Variants in PLCB1 observed in about 807,000 individuals in gnomAD.
PLCB1 encodes phospholipase C beta 1.
PLCB1 carries 46 observed loss-of-function variants against 161.8 expected under a neutral mutation model. The ratio of observed to expected loss-of-function variants is 0.28; its 90% CI spans 0.22 to 0.36. The LOEUF (loss-of-function observed/expected upper bound fraction) is 0.36. PLCB1 is among the 10% of genes least tolerant of loss of function. The pLI, the probability that PLCB1 is intolerant of heterozygous loss-of-function variation, is 1.00. For synonymous variants in PLCB1, 517 were observed against 503.7 expected (o/e 1.03, Z -0.35); for missense variants, 1,016 against 1,472.5 (o/e 0.69, Z 5.07).
rs573791051 is a variant in PLCB1, at chr20:8,772,659, G to A, written c.2931-1880G>A. On this transcript the variant is annotated intron_variant, in intron 26 of 31. Transcript: ENST00000338037. Reference sequence around the variant, plus strand: ...CTATATAAGATCATTCAGGCCGGGCGCGGTGGCTCATGCCTGTAATCCCAG... The same window carrying A: ...CTATATAAGATCATTCAGGCCGGGCACGGTGGCTCATGCCTGTAATCCCAG... Among the ~76,000 whole-genome samples the A allele has an allele frequency of 4.6e-5, 7 of 152,226 alleles. No individual in the cohort carries two copies. The South Asian group carries it at 1.0e-3, about 23-fold the overall frequency.
Position 8,862,307 on chromosome 20 carries a change from T to C in PLCB1, c.3424-19315T>C, listed in dbSNP as rs1413370642. On this transcript the variant is annotated intron_variant, in intron 31 of 31. Coordinates refer to ENST00000338037, the MANE Select transcript of PLCB1 (RefSeq NM_015192.4). ...CAGGACCAACTGGCATTTTAGTTTA[T>C]CCGTCTATTCCATATGCTGCTGGAT... Among the ~76,000 whole-genome samples, 3 of 152,258 alleles carry C rather than the reference T, an allele frequency of 2.0e-5. No individual in the cohort carries two copies. In the East Asian group the frequency reaches 5.8e-4, roughly 29 times the overall value.
chr20:8,615,490 A>G (rs1159656657), intron 3 of PLCB1, among the ~76,000 whole-genome samples: 1 of 152,196 alleles, frequency 6.6e-6, no homozygotes. Context: ...TCCCTACTGA[A>G]TGCAACAATG....
Position 8,428,170 on chromosome 20 carries a change from T to TA in PLCB1, c.246+56727dup, listed in dbSNP as rs563974682. On this transcript the variant is annotated intron_variant, in intron 3 of 31. Coordinates refer to ENST00000338037, the MANE Select transcript of PLCB1 (RefSeq NM_015192.4). ...GCCCCCATGACTTGAGTCTCTCTAATAAAAAAAGAAAAGAAAAAATCTGAG... is the reference window on the plus strand; with the variant it reads ...GCCCCCATGACTTGAGTCTCTCTAATAAAAAAAAGAAAAGAAAAAATCTGAG... Among the ~76,000 whole-genome samples the TA allele has an allele frequency of 2.5e-3, 378 of 150,568 alleles. 3 individuals carry two copies. Among genetic ancestry groups the TA allele is most frequent in the Non-Finnish European group, 3.7e-3 (253 of 67,682 alleles).
chr20:8,731,189 A>G (rs898768251), intron 18 of PLCB1, among the ~76,000 whole-genome samples: 3 of 151,910 alleles, frequency 2.0e-5, no homozygotes, highest in East Asian at 1.9e-4. Flanking sequence ...GCTTTTTAAA[A>G]TCAATTAATT....
intron 3 of PLCB1, among the ~76,000 whole-genome samples, chr20:8,523,410 G>A (rs1230393141): frequency 2.1e-5 from 3 of 145,788 alleles, no homozygotes; most frequent in Admixed American, 1.4e-4. Context: ...GTGTGTGTGT[G>A]TGTGTGTGTG....
rs1229307312 is a variant in PLCB1, at chr20:8,440,907, A to G, written c.246+69457A>G. Reference sequence around the variant, plus strand: ...ATGTTATATGGATCGAAACATCACTATGTACTCCATGAATATATACAATTA... The same window carrying G: ...ATGTTATATGGATCGAAACATCACTGTGTACTCCATGAATATATACAATTA... On this transcript the variant is annotated intron_variant, in intron 3 of 31. Transcript: ENST00000338037. 2.6e-5 allele frequency among the ~76,000 whole-genome samples: 4 copies of G among 152,056 alleles called. No individual in the cohort carries two copies. The East Asian group carries it at 7.7e-4, about 29-fold the overall frequency.
At chr20:8,684,451 G>A (rs533590955) in intron 9 of PLCB1, among the ~76,000 whole-genome samples, 15 of 150,288 alleles carry the variant, frequency 1.0e-4, no homozygotes, top group Admixed American at 7.3e-4. Flanking sequence ...AGGAGACTTC[G>A]CCATATTGGC....
At chr20:8,727,185 A>G (rs1979983717) in intron 16 of PLCB1, 124 bp from the exon 17 acceptor site, 2 of 542,638 alleles carry the variant, frequency 3.7e-6, no homozygotes, top group Admixed American at 6.9e-5. Context: ...TTGAAATTAC[A>G]TTGAGGATTA....
chr20:8,277,418 G>C (rs73895724), intron 2 of PLCB1, among the ~76,000 whole-genome samples: 4,872 of 151,850 alleles, frequency 0.032, 219 homozygotes, highest in African/African-American at 0.1. Flanking sequence ...CAACATAAAT[G>C]CTACTCTAAT....
intron 2 of PLCB1, among the ~76,000 whole-genome samples, chr20:8,357,722 G>C (rs1318903248): frequency 6.6e-6 from 1 of 152,072 alleles, no homozygotes; most frequent in Non-Finnish European, 1.5e-5. Context: ...AGGAAGAAAA[G>C]GATTCAAAGA....
chr20:8,437,861 A>G (rs1452775352), intron 3 of PLCB1, among the ~76,000 whole-genome samples: 3 of 152,236 alleles, frequency 2.0e-5, no homozygotes, highest in African/African-American at 4.8e-5. Flanking sequence ...TTAGTAGGCC[A>G]CATACATATC....
chr20:8,386,330 G>A (rs1466866824), intron 3 of PLCB1, among the ~76,000 whole-genome samples: 1 of 152,160 alleles, frequency 6.6e-6, no homozygotes, highest in Non-Finnish European at 1.5e-5. Flanking sequence ...GCTACAGAAT[G>A]GATGCGTTAG....
intron 3 of PLCB1, among the ~76,000 whole-genome samples, chr20:8,475,251 G>A (rs1307735726): frequency 1.3e-5 from 2 of 152,030 alleles, no homozygotes; most frequent in Non-Finnish European, 2.9e-5. Flanking sequence ...TTGGGTGGTG[G>A]AGGCTTACTC....
At chr20:8,290,686 G>A (rs1449556367) in intron 2 of PLCB1, among the ~76,000 whole-genome samples, 1 of 152,116 alleles carries the variant, frequency 6.6e-6, no homozygotes, top group Non-Finnish European at 1.5e-5. Context: ...CACAGTGTCT[G>A]TTACAATGTC....
At chr20:8,512,778 C>T (rs554761161) in intron 3 of PLCB1, among the ~76,000 whole-genome samples, 90 of 152,220 alleles carry the variant, frequency 5.9e-4, no homozygotes, top group South Asian at 3.1e-3. Flanking sequence ...CATTACCTCA[C>T]GTACTTATCA....
At chr20:8,392,840 G>C (rs1987650965) in intron 3 of PLCB1, among the ~76,000 whole-genome samples, 1 of 152,124 alleles carries the variant, frequency 6.6e-6, no homozygotes, top group African/African-American at 2.4e-5. Flanking sequence ...ACTGCCTTTG[G>C]ATGTGATACA....
chr20:8,780,675 G>C (rs767465715), intron 27 of PLCB1, among the ~76,000 whole-genome samples: 1 of 152,102 alleles, frequency 6.6e-6, no homozygotes, highest in Non-Finnish European at 1.5e-5. Context: ...GTTTCAGACC[G>C]CAAGCTCTGG....
intron 31 of PLCB1, among the ~76,000 whole-genome samples, chr20:8,808,802 A>C (rs1984667281): frequency 6.6e-6 from 1 of 152,342 alleles, no homozygotes; most frequent in South Asian, 2.1e-4. Context: ...ACCAGTGGTG[A>C]GCTGGAGCTT....
intron 3 of PLCB1, among the ~76,000 whole-genome samples, chr20:8,528,007 A>G (rs1370557740): frequency 1.3e-5 from 2 of 152,070 alleles, no homozygotes; most frequent in Non-Finnish European, 2.9e-5. Context: ...ACTGAAAACA[A>G]TATAAAATAA....
Sources: allele counts gnomAD v4.1 joint callset (sites outside exome capture counted in the v4.1 genomes callset), GRCh38; gene constraint gnomAD v4.1.1; transcripts MANE v1.5; gene names NCBI Gene and HGNC (gene_info 2026-07-23, HGNC 2026-07-21).